PALS1: variants seen among roughly 807,000 people sequenced by gnomAD.
PALS1 encodes the protein protein PALS1.
Under a neutral mutation model 78.9 loss-of-function variants are expected in PALS1, and 31 were observed. The observed-to-expected ratio is 0.39, with a 90% CI of 0.30 to 0.53. PALS1 has a LOEUF of 0.53. PALS1 is among the 20% of genes least tolerant of loss of function. The pLI, the probability that PALS1 is intolerant of heterozygous loss-of-function variation, is 0.67. For missense variants in PALS1, 704 were observed against 826.5 expected (o/e 0.85, Z 1.82); for synonymous variants, 276 against 270.9 (o/e 1.02, Z -0.18).
rs747982226 is a variant in PALS1, at chr14:67,320,397, C to T, written c.1537C>T (p.His513Tyr). 243 of 1,592,634 alleles carry T rather than the reference C, an allele frequency of 1.5e-4. No homozygotes were observed. The highest frequency in any genetic ancestry group is 1.9e-4 in the Non-Finnish European group (223 of 1,170,338). Residue 513 changes from histidine to tyrosine, a missense_variant and splice_region_variant, in exon 12 of 15, where the codon CAT becomes TAT. By Grantham distance (83) the His-to-Tyr change is moderately conservative. Coordinates refer to ENST00000261681, the MANE Select transcript of PALS1 (RefSeq NM_022474.4). Reference sequence around the variant, plus strand: ...GGACCGCTTTGCATCTGCAGTTCCTCGTAAGTTTGAATGCATTCCCATTTT... The same window carrying T: ...GGACCGCTTTGCATCTGCAGTTCCTTGTAAGTTTGAATGCATTCCCATTTT... ...EKDRFASAVP[H>Y]TTRSRRDQEV...
intron 2 of PALS1, chr14:67,270,328 G>T (rs1240500243): frequency 2.0e-5 from 3 of 152,160 alleles, no homozygotes; most frequent in Non-Finnish European, 4.4e-5. Context: ...CTTGCTTTGT[G>T]GACTATGTAA....
At position 67,321,129 on chromosome 14, in the gene PALS1, A is replaced by G; in HGVS notation, c.1610A>G (p.Glu537Gly). 6.2e-7 allele frequency: 1 copy of G among 1,614,224 alleles called. No individual in the cohort carries two copies. The highest frequency in any genetic ancestry group is 8.5e-7 in the Non-Finnish European group (1 of 1,180,048). ...CACTTTGTTTCGCGGCAAGCATTCG[A>G]GGCAGACATAGCAGCTGGAAAGTTC... The part of the protein sequence containing the change: ...DYHFVSRQAF[E>G]ADIAAGKFIE... Residue 537 changes from glutamate to glycine, a missense_variant, in exon 13 of 15, where the codon GAG becomes GGG. Glu to Gly is a moderately conservative substitution (Grantham distance 98). Coordinates refer to ENST00000261681, the MANE Select transcript of PALS1 (RefSeq NM_022474.4).
chr14:67,242,050 A>G (rs2083914468), intron 1 of PALS1: 1 of 152,224 alleles, frequency 6.6e-6, no homozygotes, highest in Admixed American at 6.5e-5. Flanking sequence ...GACCACTTTA[A>G]AAGAAAAGCC....
At chr14:67,291,402 C>T (rs1003377427) in intron 3 of PALS1, among the ~76,000 whole-genome samples, 1 of 151,776 alleles carries the variant, frequency 6.6e-6, no homozygotes, top group Non-Finnish European at 1.5e-5. Context: ...TCTCCTGCCT[C>T]GCCTCCGAAG....
chr14:67,298,493 C>T (rs1449689881), intron 4 of PALS1, among the ~76,000 whole-genome samples: 2 of 145,600 alleles, frequency 1.4e-5, no homozygotes, highest in Non-Finnish European at 3.0e-5. Context: ...CCAGCCTGGG[C>T]GACAAGAGTG....
intron 3 of PALS1, among the ~76,000 whole-genome samples, chr14:67,292,194 T>G (rs185110786): frequency 2.0e-5 from 3 of 152,322 alleles, no homozygotes; most frequent in Non-Finnish European, 2.9e-5. Flanking sequence ...GAAAAAATAT[T>G]TCTAGGTGAT....
chr14:67,311,189 T>C (rs762094263), intron 8 of PALS1, among the ~76,000 whole-genome samples: 12 of 151,402 alleles, frequency 7.9e-5, no homozygotes, highest in Non-Finnish European at 1.8e-4. Context: ...TGAGTGCCTG[T>C]AATCCCAGCT....
intron 1 of PALS1, among the ~76,000 whole-genome samples, chr14:67,264,753 A>G (rs954694557): frequency 6.6e-6 from 1 of 152,212 alleles, no homozygotes; most frequent in Non-Finnish European, 1.5e-5. Context: ...TGTATGGCCT[A>G]GAATCATGGG....
intron 13 of PALS1, among the ~76,000 whole-genome samples, chr14:67,322,937 T>C (rs1015099508): frequency 6.6e-6 from 1 of 152,166 alleles, no homozygotes; most frequent in Non-Finnish European, 1.5e-5. Context: ...TTGGATGTGC[T>C]TTTCTTGAAT....
At chr14:67,310,892 T>C (rs1163979379) in intron 8 of PALS1, among the ~76,000 whole-genome samples, 6 of 152,230 alleles carry the variant, frequency 3.9e-5, no homozygotes, top group Non-Finnish European at 8.8e-5. Flanking sequence ...TCATATAGTC[T>C]GTCATCGACA....
chr14:67,302,089 C>T lies in PALS1; in HGVS notation c.772C>T (p.Arg258Cys), dbSNP rs375391521. 2.6e-4 allele frequency: 422 copies of T among 1,605,780 alleles called. No individual in the cohort carries two copies. The highest frequency in any genetic ancestry group is 3.5e-4 in the Non-Finnish European group (411 of 1,176,354). Residue 258 changes from arginine (R) to cysteine (C), a missense_variant, in exon 6 of 15, where the codon CGT becomes TGT. By Grantham distance (180) the Arg-to-Cys change is radical. Coordinates refer to ENST00000261681, the MANE Select transcript of PALS1 (RefSeq NM_022474.4). ...TGGAGGAGAAACTGTAAAAATAGTT[C>T]GTATAGAAAAGGCTCGTGATATTCC... ...QYGGETVKIV[R>C]IEKARDIPLG...
intron 14 of PALS1, among the ~76,000 whole-genome samples, chr14:67,331,050 C>T (rs904286897): frequency 6.6e-6 from 1 of 151,636 alleles, no homozygotes; most frequent in Non-Finnish European, 1.5e-5. Flanking sequence ...TGTGATATTT[C>T]TTTCTTTTTT....
chr14:67,330,154 A>ATTATT (rs1566586926), intron 14 of PALS1, among the ~76,000 whole-genome samples: 1 of 105,728 alleles, frequency 9.5e-6, no homozygotes, highest in African/African-American at 5.1e-5. Flanking sequence ...TAATAATAAT[A>ATTATT]ATTATTATTA....
intron 9 of PALS1, among the ~76,000 whole-genome samples, chr14:67,314,826 CACACCTGTAATCCCA>C (rs1430108439): frequency 6.6e-6 from 1 of 152,156 alleles, no homozygotes; most frequent in African/African-American, 2.4e-5. Flanking sequence ...CCTGGTGGCT[CACACCTGTAATCCCA>C]GCACTTTGGG....
chr14:67,266,826 T>C (rs981593651), intron 1 of PALS1, among the ~76,000 whole-genome samples: 2 of 152,116 alleles, frequency 1.3e-5, no homozygotes, highest in Non-Finnish European at 2.9e-5. Context: ...ACTTCGTTTC[T>C]TGGCTGGGCA....
chr14:67,290,958 T>C (rs915372816), intron 3 of PALS1, among the ~76,000 whole-genome samples: 2 of 152,152 alleles, frequency 1.3e-5, no homozygotes, highest in Non-Finnish European at 2.9e-5. Flanking sequence ...AGAAGTTAAA[T>C]AAAGTAGAAA....
At chr14:67,256,968 C>G (rs1287895188) in intron 1 of PALS1, among the ~76,000 whole-genome samples, 1 of 152,150 alleles carries the variant, frequency 6.6e-6, no homozygotes, top group Admixed American at 6.6e-5. Flanking sequence ...TGTGACACAG[C>G]CTCAGGAGGT....
intron 9 of PALS1, among the ~76,000 whole-genome samples, chr14:67,314,063 T>C (rs998156159): frequency 6.6e-6 from 1 of 152,186 alleles, no homozygotes; most frequent in Non-Finnish European, 1.5e-5. Context: ...GGCCTTATCT[T>C]TTATCTACAA....
In PALS1 at chr14:67,333,720, TACTC is replaced by T. The variant is rs1310830342; in HGVS notation, c.*768_*771del. The T allele has an allele frequency of 6.6e-6, 1 of 152,594 alleles. No homozygotes were observed. The highest frequency in any genetic ancestry group is 2.4e-5 in the African/African-American group (1 of 41,456). 9.5% of individuals were successfully genotyped at this position (152,594 alleles called of 1,614,324 possible). A position where few individuals can be genotyped will look rare whatever the true frequency, so the allele number is the denominator to read the frequency against. On this transcript the variant is annotated 3_prime_UTR_variant, in exon 15 of 15. Transcript: ENST00000261681. Reference sequence around the variant, plus strand: ...TTTTCTTAAGTCGTCTCAACTGATTTACTCACTTAGCTTCCCTTCCCTCATCAGC... The same window carrying T: ...TTTTCTTAAGTCGTCTCAACTGATTTACTTAGCTTCCCTTCCCTCATCAGC...
Sources: gnomAD v4.1 joint callset for allele counts (sites outside exome capture counted in the v4.1 genomes callset) on GRCh38, gnomAD v4.1.1 for gene constraint, MANE v1.5 for transcripts, NCBI Gene and HGNC (gene_info 2026-07-23, HGNC 2026-07-21) for gene names.